Variants in RSPO2 observed in about 807,000 individuals in gnomAD.
RSPO2 encodes the protein R-spondin 2.
RSPO2 carries 14 observed loss-of-function variants against 30.9 expected under a neutral mutation model. The ratio of observed to expected loss-of-function variants is 0.45; its 90% CI spans 0.30 to 0.71. The LOEUF is 0.71. Among genes scored for constraint, RSPO2 ranks in the 30% least tolerant of loss-of-function variants. The pLI is 0.08. For synonymous variants in RSPO2, 107 were observed against 96.4 expected (o/e 1.11, Z -0.64); for missense variants, 264 against 301.9 (o/e 0.87, Z 0.93).
At chr8:107,949,562 T>A (rs980048029) in intron 5 of RSPO2, among the ~76,000 whole-genome samples, 1 of 152,162 alleles carries the variant, frequency 6.6e-6, no homozygotes, top group African/African-American at 2.4e-5. Context: ...AAACAACTGA[T>A]AAGTCAAAAC....
intron 2 of RSPO2, among the ~76,000 whole-genome samples, chr8:108,041,203 C>CAAAAAAAAAAAAAAAAAAAA (rs55937336): frequency 1.0e-5 from 1 of 100,384 alleles, no homozygotes; most frequent in African/African-American, 3.8e-5. Flanking sequence ...CAAAAAGTGG[C>CAAAAAAAAAAAAAAAAAAAA]AAAAAAAAAA....
intron 3 of RSPO2, among the ~76,000 whole-genome samples, chr8:107,982,009 CAAAAA>C (rs372977834): frequency 9.0e-5 from 5 of 55,380 alleles, no homozygotes; most frequent in East Asian, 5.7e-4. Flanking sequence ...ACAACAACAA[CAAAAA>C]AAAAAAAAAA....
intron 2 of RSPO2, among the ~76,000 whole-genome samples, chr8:108,051,751 T>C (rs76623605): frequency 0.12 from 18,396 of 152,214 alleles, 2,336 homozygotes; most frequent in African/African-American, 0.32. Context: ...TCCAAGACTA[T>C]AGTCATGATG....
At chr8:108,054,412 C>A (rs1305042147) in intron 2 of RSPO2, among the ~76,000 whole-genome samples, 1 of 152,086 alleles carries the variant, frequency 6.6e-6, no homozygotes, top group African/African-American at 2.4e-5. Context: ...GGCAGACACA[C>A]AAAGAGTGAG....
In RSPO2 at chr8:108,052,743, GC is replaced by G. The variant is rs199941040; in HGVS notation, c.94+29801del. 7.1e-4 allele frequency among the ~76,000 whole-genome samples: 108 copies of G among 152,206 alleles called. 2 individuals are homozygous for G. In the East Asian group the frequency reaches 0.02, roughly 28 times the overall value. ...AACTACTATTATTCCCATTTTAAAA[GC>G]AGGAAAACTGAGGTATAGAGATATG... On this transcript the variant is annotated intron_variant, in intron 2 of 5. Transcript: ENST00000276659.
chr8:107,913,417 T>TCCTCGTC (rs1268226181), intron 5 of RSPO2, among the ~76,000 whole-genome samples: 1 of 152,170 alleles, frequency 6.6e-6, no homozygotes, highest in African/African-American at 2.4e-5. Flanking sequence ...CAATGGTATA[T>TCCTCGTC]TTTGTTATTC....
At chr8:108,061,591 C>G (rs1480968264) in intron 2 of RSPO2, among the ~76,000 whole-genome samples, 1 of 151,766 alleles carries the variant, frequency 6.6e-6, no homozygotes, top group African/African-American at 2.4e-5. Context: ...TAATGGGAGA[C>G]TTTAACACCC....
chr8:108,070,568 C>T (rs1336897094), intron 2 of RSPO2, among the ~76,000 whole-genome samples: 1 of 152,180 alleles, frequency 6.6e-6, no homozygotes, highest in African/African-American at 2.4e-5. Flanking sequence ...GACCCCATCT[C>T]TTAAAGTAGT....
At chr8:107,936,451 T>C (rs977109656) in intron 5 of RSPO2, among the ~76,000 whole-genome samples, 1 of 152,168 alleles carries the variant, frequency 6.6e-6, no homozygotes. Flanking sequence ...CAGAAATCCA[T>C]TGTTATTCTG....
At chr8:107,914,639 ACCTT>A (rs1246057633) in intron 5 of RSPO2, among the ~76,000 whole-genome samples, 1 of 152,112 alleles carries the variant, frequency 6.6e-6, no homozygotes, top group Non-Finnish European at 1.5e-5. Context: ...ATGTAAAAAA[ACCTT>A]CCTCCTTTAG....
chr8:108,075,183 T>C (rs1354383948), intron 2 of RSPO2, among the ~76,000 whole-genome samples: 1 of 152,180 alleles, frequency 6.6e-6, no homozygotes, highest in Non-Finnish European at 1.5e-5. Flanking sequence ...AAGTATTTTT[T>C]AAAATATGGG....
intron 2 of RSPO2, among the ~76,000 whole-genome samples, chr8:108,044,460 G>A (rs146312234): frequency 6.6e-6 from 1 of 152,216 alleles, no homozygotes; most frequent in African/African-American, 2.4e-5. Context: ...AGAACATGCA[G>A]TATTTGGTTT....
At chr8:107,987,262 T>C (rs935548721) in intron 3 of RSPO2, among the ~76,000 whole-genome samples, 3 of 152,234 alleles carry the variant, frequency 2.0e-5, no homozygotes, top group East Asian at 3.8e-4. Flanking sequence ...TCTGCAATCA[T>C]TATAATAGCC....
chr8:108,015,960 A>C, intron 2 of RSPO2, among the ~76,000 whole-genome samples: 1 of 152,212 alleles, frequency 6.6e-6, no homozygotes, highest in East Asian at 1.9e-4. Flanking sequence ...CAGAGAAAGG[A>C]AAGATACTAT....
intron 2 of RSPO2, among the ~76,000 whole-genome samples, chr8:108,081,508 C>A (rs1042097945): frequency 1.3e-5 from 2 of 152,218 alleles, no homozygotes; most frequent in African/African-American, 2.4e-5. Flanking sequence ...TGGGAAGGGG[C>A]TGCTGCGCGC....
At chr8:108,006,854 A>G (rs1188301709) in intron 2 of RSPO2, among the ~76,000 whole-genome samples, 3 of 152,194 alleles carry the variant, frequency 2.0e-5, no homozygotes, top group Admixed American at 6.5e-5. Context: ...GTCTATATCT[A>G]TATACACACA....
At chr8:108,023,124 T>C (rs934730770) in intron 2 of RSPO2, among the ~76,000 whole-genome samples, 1 of 152,190 alleles carries the variant, frequency 6.6e-6, no homozygotes, top group African/African-American at 2.4e-5. Context: ...TGATTTCTTA[T>C]AATAAAATGA....
chr8:107,920,533 A>C (rs557455142), intron 5 of RSPO2, among the ~76,000 whole-genome samples: 1 of 152,274 alleles, frequency 6.6e-6, no homozygotes, highest in East Asian at 1.9e-4. Context: ...CATTAAAGTA[A>C]AAAGAAAAGT....
chr8:108,056,774 G>A, intron 2 of RSPO2, among the ~76,000 whole-genome samples: 1 of 150,890 alleles, frequency 6.6e-6, no homozygotes, highest in African/African-American at 2.4e-5. Context: ...AAAAGATGTG[G>A]GCCAGGCATG....
Sources: gnomAD v4.1 joint callset for allele counts (sites outside exome capture counted in the v4.1 genomes callset) on GRCh38, gnomAD v4.1.1 for gene constraint, MANE v1.5 for transcripts, NCBI Gene and HGNC (gene_info 2026-07-23, HGNC 2026-07-21) for gene names.